The following PAPSS2 variants were observed in gnomAD, a reference collection of about 807,000 sequenced individuals.
PAPSS2 encodes bifunctional 3'-phosphoadenosine 5'-phosphosulfate synthase 2.
Under a neutral mutation model 66.5 loss-of-function variants are expected in PAPSS2, and 61 were observed. The ratio of observed to expected loss-of-function variants is 0.92; its 90% CI spans 0.75 to 1.14. The LOEUF (loss-of-function observed/expected upper bound fraction) is 1.14. Ranked by LOEUF, PAPSS2 falls within the 50% of genes most tolerant of loss-of-function variation. The pLI is 0.00. For synonymous variants in PAPSS2, 289 were observed against 287.5 expected (o/e 1.01, Z -0.05); for missense variants, 708 against 789.6 (o/e 0.90, Z 1.24).
intron 1 of PAPSS2, among the ~76,000 whole-genome samples, chr10:87,665,181 T>C (rs1852799209): frequency 6.6e-6 from 1 of 151,748 alleles, no homozygotes; most frequent in Non-Finnish European, 1.5e-5. Flanking sequence ...CTGGCCCCAC[T>C]CCTAGCCTAG....
Position 87,741,351 on chromosome 10 carries a change from AT to A in PAPSS2, c.1204del (p.Cys402ValfsTer4). 6.2e-7 allele frequency: 1 copy of A among 1,613,158 alleles called. No homozygotes were observed. Among genetic ancestry groups the A allele is most frequent in the Non-Finnish European group, 8.5e-7 (1 of 1,179,092 alleles). On this transcript the variant is annotated frameshift_variant, in exon 10 of 13. Transcript: ENST00000456849. LOFTEE classifies it high-confidence loss of function. The part of the protein sequence containing the change: ...RLTPLELKQK[C>X]KEMNADAVFA... ...TGACACCTCTGGAGCTCAAACAGAA[AT>A]GTAAAGAAATGAATGCTGGTATGTA...
intron 1 of PAPSS2, among the ~76,000 whole-genome samples, chr10:87,701,149 T>C (rs1304070756): frequency 6.6e-6 from 1 of 151,426 alleles, no homozygotes. Context: ...AAGTATATAT[T>C]ATTATATAAT....
intron 9 of PAPSS2, 27 bp downstream of exon 9, chr10:87,727,516 T>C: frequency 6.4e-7 from 1 of 1,560,040 alleles, no homozygotes; most frequent in Non-Finnish European, 8.8e-7. Context: ...TTGGAAGGAC[T>C]TTCTTGAGCT....
intron 1 of PAPSS2, among the ~76,000 whole-genome samples, chr10:87,693,230 TTGAGCCA>T (rs1853192855): frequency 6.6e-6 from 1 of 152,190 alleles, no homozygotes; most frequent in Non-Finnish European, 1.5e-5. Context: ...AAATGAGGCC[TTGAGCCA>T]GGCTGGCATG....
chr10:87,718,543 G>T (rs1043754515), intron 7 of PAPSS2, among the ~76,000 whole-genome samples: 2 of 152,202 alleles, frequency 1.3e-5, no homozygotes, highest in Middle Eastern at 3.2e-3. Context: ...TCTTTCAAAA[G>T]CCTACCCAAG....
intron 1 of PAPSS2, among the ~76,000 whole-genome samples, chr10:87,677,050 C>T (rs575897275): frequency 1.6e-4 from 25 of 151,872 alleles, no homozygotes; most frequent in South Asian, 4.2e-4. Flanking sequence ...AAAAATTAGC[C>T]GGGCATGGCA....
At chr10:87,684,704 G>A (rs1243557294) in intron 1 of PAPSS2, among the ~76,000 whole-genome samples, 1 of 152,114 alleles carries the variant, frequency 6.6e-6, no homozygotes, top group Non-Finnish European at 1.5e-5. Flanking sequence ...ATGGGCAGTT[G>A]GGTGTCTCAA....
chr10:87,701,804 G>A (rs1215010637), intron 1 of PAPSS2, among the ~76,000 whole-genome samples: 1 of 152,054 alleles, frequency 6.6e-6, no homozygotes, highest in Non-Finnish European at 1.5e-5. Context: ...ACACACGAAT[G>A]GCCTAAGTAA....
At chr10:87,685,001 C>G (rs1170298862) in intron 1 of PAPSS2, among the ~76,000 whole-genome samples, 1 of 152,210 alleles carries the variant, frequency 6.6e-6, no homozygotes, top group Non-Finnish European at 1.5e-5. Flanking sequence ...CCAGGCTACA[C>G]AGGGACTCAT....
intron 5 of PAPSS2, 58 bp downstream of exon 5, chr10:87,714,921 T>C: frequency 2.1e-6 from 3 of 1,413,228 alleles, no homozygotes; most frequent in Non-Finnish European, 3.0e-6. Context: ...AGACAATCTA[T>C]GCCTCTTTAC....
chr10:87,734,699 ATATATATG>A (rs1331475050), intron 9 of PAPSS2, among the ~76,000 whole-genome samples: 1 of 131,428 alleles, frequency 7.6e-6, no homozygotes, highest in Non-Finnish European at 1.6e-5. Flanking sequence ...ATATATATAT[ATATATATG>A]TATGTATTCT....
intron 10 of PAPSS2, 29 bp from the exon 11 acceptor site, chr10:87,743,344 A>G (rs755793806): frequency 1.9e-6 from 3 of 1,611,162 alleles, no homozygotes; most frequent in Non-Finnish European, 2.5e-6. Context: ...TGTTTCTGTG[A>G]CCTTCCTTCT....
intron 1 of PAPSS2, among the ~76,000 whole-genome samples, chr10:87,675,555 A>G (rs1305814241): frequency 6.6e-6 from 1 of 152,204 alleles, no homozygotes; most frequent in African/African-American, 2.4e-5. Context: ...ATGTAATTTC[A>G]TGCTAATAGG....
intron 1 of PAPSS2, among the ~76,000 whole-genome samples, chr10:87,662,979 A>T (rs1368370509): frequency 2.0e-5 from 3 of 151,226 alleles, no homozygotes; most frequent in African/African-American, 7.3e-5. Context: ...CCCGGGTTCA[A>T]GCCATTCTCT....
chr10:87,696,978 G>C (rs180909183), intron 1 of PAPSS2, among the ~76,000 whole-genome samples: 1 of 152,286 alleles, frequency 6.6e-6, no homozygotes, highest in African/African-American at 2.4e-5. Flanking sequence ...AATATACATT[G>C]TCGTTAACTG....
intron 1 of PAPSS2, among the ~76,000 whole-genome samples, chr10:87,699,103 C>T (rs1853270373): frequency 6.6e-6 from 1 of 152,156 alleles, no homozygotes; most frequent in Admixed American, 6.5e-5. Flanking sequence ...TATCAATTTC[C>T]AAAAGCTGTT....
chr10:87,671,877 G>A (rs150519523), intron 1 of PAPSS2, among the ~76,000 whole-genome samples: 6 of 152,180 alleles, frequency 3.9e-5, no homozygotes, highest in Non-Finnish European at 5.9e-5. Context: ...CACTGTAATT[G>A]TGTGGCTTTG....
At chr10:87,660,898 G>A in intron 1 of PAPSS2, 2 of 448,088 alleles carry the variant, frequency 4.5e-6, no homozygotes, top group Non-Finnish European at 4.5e-6. Flanking sequence ...CTGGGGCCAC[G>A]TCAGATGTGG....
At chr10:87,692,683 A>G (rs1284759717) in intron 1 of PAPSS2, among the ~76,000 whole-genome samples, 1 of 152,178 alleles carries the variant, frequency 6.6e-6, no homozygotes, top group Non-Finnish European at 1.5e-5. Flanking sequence ...TCTCCAGTTA[A>G]ATGGTCAACC....
Sources: allele counts gnomAD v4.1 joint callset (sites outside exome capture counted in the v4.1 genomes callset), GRCh38; gene constraint gnomAD v4.1.1; transcripts MANE v1.5; gene names NCBI Gene and HGNC (gene_info 2026-07-23, HGNC 2026-07-21).